Variants in UBN2 observed in about 807,000 individuals in gnomAD.
UBN2 encodes the protein ubinuclein 2.
In UBN2, 35 loss-of-function variants were observed where a neutral mutation model predicts 120.2. The observed-to-expected ratio is 0.29, with a 90% CI of 0.22 to 0.39. The LOEUF (loss-of-function observed/expected upper bound fraction) is 0.39. UBN2 is among the 10% of genes least tolerant of loss of function. The pLI is 1.00. For synonymous variants in UBN2, 661 were observed against 648.7 expected (o/e 1.02, Z -0.29); for missense variants, 1,693 against 1,663.2 (o/e 1.02, Z -0.31).
At chr7:139,296,572 C>G (rs1272465582) in intron 17 of UBN2, among the ~76,000 whole-genome samples, 1 of 152,172 alleles carries the variant, frequency 6.6e-6, no homozygotes, top group Non-Finnish European at 1.5e-5. Flanking sequence ...TGGAGACTTT[C>G]TCCATATTCT....
chr7:139,280,202 A>G (rs1008790134), intron 13 of UBN2, among the ~76,000 whole-genome samples: 1 of 152,220 alleles, frequency 6.6e-6, no homozygotes, highest in African/African-American at 2.4e-5. Flanking sequence ...TGAGAGAATA[A>G]GTTACTATGA....
In UBN2 at chr7:139,283,639, C is replaced by G; in HGVS notation, c.2734C>G (p.Leu912Val). The G allele has an allele frequency of 2.5e-6, 4 of 1,614,208 alleles. No individual in the cohort carries two copies. The highest frequency in any genetic ancestry group is 3.4e-6 in the Non-Finnish European group (4 of 1,180,042). The change falls in exon 15 of 18, where the codon CTG becomes GTG. Residue 912 changes from leucine (L) to valine (V), a missense_variant. Coordinates refer to ENST00000473989, the MANE Select transcript of UBN2 (RefSeq NM_173569.4). ...QAQIAASSHA[L>V]GTSEAQDASS... ...CCAAATTGCTGCCTCTTCTCATGCT[C>G]TGGGAACATCCGAGGCCCAAGATGC...
intron 3 of UBN2, among the ~76,000 whole-genome samples, chr7:139,253,097 T>C (rs904343489): frequency 3.9e-5 from 6 of 152,226 alleles, no homozygotes; most frequent in South Asian, 2.1e-4. Flanking sequence ...GTGATACTTA[T>C]ATATTAGTAC....
At position 139,231,606 on chromosome 7, in the gene UBN2, A is replaced by G; in HGVS notation, c.122A>G (p.Gln41Arg). The change falls in exon 1 of 18, where the codon CAG (glutamine) becomes CGG (arginine). Residue 41 changes from glutamine (Q) to arginine (R), a missense_variant. Gln to Arg is a conservative substitution (Grantham distance 43). Around this residue, in one of 5 missense-constraint regions of UBN2, gnomAD observed 663 missense variants for 591.2 expected, o/e 1.12. Transcript: ENST00000473989. ...CGCGAGCCCCCCCGGCTGGAGCCGCAGCCGTACCGCGAGCCGGCCCGGGCG... is the reference window on the plus strand; with the variant it reads ...CGCGAGCCCCCCCGGCTGGAGCCGCGGCCGTACCGCGAGCCGGCCCGGGCG... The part of the protein sequence containing the change: ...YPREPPRLEP[Q>R]PYREPARAEP... The G allele has an allele frequency of 2.2e-6, 3 of 1,357,600 alleles. No individual in the cohort carries two copies. The highest frequency in any genetic ancestry group is 1.7e-5 in the South Asian group (1 of 57,736). The allele number at this position is 1,357,600 out of a possible 1,614,324, so 84.1% of individuals were successfully genotyped here.
Position 139,232,180 on chromosome 7 carries a change from G to A in UBN2, c.468+228G>A, listed in dbSNP as rs369197098. Among the ~76,000 whole-genome samples, 8 of 151,568 alleles carry A rather than the reference G, an allele frequency of 5.3e-5. No homozygotes were observed. The East Asian group carries it at 5.9e-4, about 11-fold the overall frequency. Reference sequence around the variant, plus strand: ...GGCTGCGCCGAATCCCCAAACCCCCGGCACTCGCTCCCAACGCCGCGCCGA... The same window carrying A: ...GGCTGCGCCGAATCCCCAAACCCCCAGCACTCGCTCCCAACGCCGCGCCGA... On this transcript the variant is annotated intron_variant, in intron 1 of 17. Transcript: ENST00000473989.
chr7:139,232,847 G>A (rs1419996612), intron 1 of UBN2, among the ~76,000 whole-genome samples: 1 of 152,186 alleles, frequency 6.6e-6, no homozygotes, highest in African/African-American at 2.4e-5. Context: ...GTGAACAATG[G>A]AGAAAGGATA....
chr7:139,256,946 C>G (rs962084752), intron 3 of UBN2, among the ~76,000 whole-genome samples: 1 of 152,134 alleles, frequency 6.6e-6, no homozygotes, highest in African/African-American at 2.4e-5. Flanking sequence ...AACTTTTGTA[C>G]TTAGCCTTAT....
rs1186999541 is a variant in UBN2, at chr7:139,299,851, A to T, written c.*2015A>T. On this transcript the variant is annotated 3_prime_UTR_variant, in exon 18 of 18. Transcript: ENST00000473989. ...ATATGAATAAAAAGGTCTTTGCTTC[A>T]TACTAGGGGAAGTGATGGGATTTTC... is the stretch of plus-strand genomic sequence containing the variant. The T allele has an allele frequency of 6.6e-6, 1 of 152,150 alleles. No homozygotes were observed. Among genetic ancestry groups the T allele is most frequent in the African/African-American group, 2.4e-5 (1 of 41,426 alleles). 9.4% of individuals were successfully genotyped at this position (152,150 alleles called of 1,614,324 possible). A position where few individuals can be genotyped will look rare whatever the true frequency, so the allele number is the denominator to read the frequency against.
chr7:139,270,063 C>T (rs1250536990), intron 8 of UBN2, among the ~76,000 whole-genome samples: 1 of 152,004 alleles, frequency 6.6e-6, no homozygotes, highest in African/African-American at 2.4e-5. Context: ...ATTTAATATC[C>T]CTTTGGCTAT....
chr7:139,293,800 C>T, intron 16 of UBN2, 89 bp from the exon 17 acceptor site: 1 of 1,218,150 alleles, frequency 8.2e-7, no homozygotes, highest in Non-Finnish European at 1.2e-6. Context: ...AGGTGCTGTG[C>T]CTGCATTACA....
At chr7:139,244,190 T>C (rs1796398760) in intron 2 of UBN2, among the ~76,000 whole-genome samples, 1 of 152,142 alleles carries the variant, frequency 6.6e-6, no homozygotes, top group South Asian at 2.1e-4. Flanking sequence ...TTTGTTACTG[T>C]TCACTGTAAG....
chr7:139,280,453 A>G (rs1480086047), intron 13 of UBN2, among the ~76,000 whole-genome samples: 1 of 151,568 alleles, frequency 6.6e-6, no homozygotes, highest in East Asian at 1.9e-4. Context: ...GAAAGCTCAT[A>G]CTCTTTAGGT....
rs148749756 is a variant in UBN2 at position 139,293,185 on chromosome 7, T to A, written c.3670-47T>A. 1.1e-4 allele frequency: 164 copies of A among 1,448,238 alleles called. 1 individual carries two copies. The African/African-American group carries it at 2.3e-3, about 20-fold the overall frequency. 89.7% of individuals were successfully genotyped at this position (1,448,238 alleles called of 1,614,324 possible). Reference sequence around the variant, plus strand: ...GGATATTATAGAAAATAAATCAATTTGGGTTGCTTTATTTCTTATGTATTT... The same window carrying A: ...GGATATTATAGAAAATAAATCAATTAGGGTTGCTTTATTTCTTATGTATTT... On this transcript the variant is annotated intron_variant, in intron 15 of 17. Coordinates refer to ENST00000473989, the MANE Select transcript of UBN2 (RefSeq NM_173569.4).
chr7:139,293,182 A>G (rs755041238), intron 15 of UBN2, 50 bp from the exon 16 acceptor site: 12 of 1,457,620 alleles, frequency 8.2e-6, no homozygotes, highest in South Asian at 5.7e-5. Flanking sequence ...AAATAAATCA[A>G]TTTGGGTTGC....
At chr7:139,325,000 G>A in the UBN2 span, among the ~76,000 whole-genome samples, 7 of 151,980 alleles carry the variant, frequency 4.6e-5, no homozygotes, top group Admixed American at 2.0e-4. Context: ...TCAGAACAAC[G>A]AAACATACTG....
intron 8 of UBN2, among the ~76,000 whole-genome samples, chr7:139,272,018 C>T (rs899948447): frequency 2.6e-5 from 4 of 152,020 alleles, no homozygotes; most frequent in East Asian, 1.9e-4. Context: ...TTTTGTTTTC[C>T]GTTTTCTGTA....
intron 3 of UBN2, among the ~76,000 whole-genome samples, chr7:139,257,493 C>G (rs1365831935): frequency 6.6e-6 from 1 of 152,168 alleles, no homozygotes; most frequent in Non-Finnish European, 1.5e-5. Context: ...ACTGCACCCT[C>G]CACCTCCCAG....
intron 6 of UBN2, among the ~76,000 whole-genome samples, chr7:139,262,586 G>A (rs887221358): frequency 7.9e-5 from 12 of 151,748 alleles, no homozygotes; most frequent in Non-Finnish European, 1.5e-4. Context: ...GTGGTGGCGC[G>A]TGCCTGTAAT....
chr7:139,280,748 C>T (rs1362048949), intron 13 of UBN2, among the ~76,000 whole-genome samples: 1 of 152,158 alleles, frequency 6.6e-6, no homozygotes, highest in African/African-American at 2.4e-5. Context: ...CAGGTTCAAG[C>T]GATTCTCCTG....
Sources: allele counts gnomAD v4.1 joint callset (sites outside exome capture counted in the v4.1 genomes callset), GRCh38; gene constraint gnomAD v4.1.1; regional missense constraint gnomAD v4.1.1; transcripts MANE v1.5; gene names NCBI Gene and HGNC (gene_info 2026-07-23, HGNC 2026-07-21).